Variants in CCSER1 observed in about 807,000 individuals in gnomAD.
CCSER1 encodes the protein coiled-coil serine rich protein 1.
In CCSER1, 41 loss-of-function variants were observed where a neutral mutation model predicts 82.0. The ratio of observed to expected loss-of-function variants is 0.50; its 90% CI spans 0.39 to 0.65. The LOEUF is 0.65. Among genes scored for constraint, CCSER1 ranks in the 30% least tolerant of loss-of-function variants. The probability of loss-of-function intolerance (pLI) is 0.00; values close to 1 mark genes in which losing one functional copy is unlikely to be tolerated. For missense variants in CCSER1, 1,119 were observed against 1,064.2 expected, an observed-to-expected ratio of 1.05 and a Z score of -0.72; for synonymous variants, 414 against 383.9, an observed-to-expected ratio of 1.08 and a Z score of -0.92.
At chr4:91,350,241 T>G (rs1748380302) in intron 10 of CCSER1, among the ~76,000 whole-genome samples, 1 of 152,218 alleles carries the variant, frequency 6.6e-6, no homozygotes, top group African/African-American at 2.4e-5. Context: ...AATTTAGATC[T>G]GAATCTACCA....
intron 9 of CCSER1, among the ~76,000 whole-genome samples, chr4:91,077,368 A>G (rs1466420163): frequency 1.3e-5 from 2 of 152,232 alleles, no homozygotes; most frequent in African/African-American, 4.8e-5. Context: ...TAAATGTAAC[A>G]CTAAATAAAA....
At chr4:90,333,381 A>G (rs1472416388) in intron 3 of CCSER1, among the ~76,000 whole-genome samples, 3 of 152,198 alleles carry the variant, frequency 2.0e-5, no homozygotes, top group Non-Finnish European at 2.9e-5. Context: ...GAATTAGACA[A>G]GAAACAGAAT....
intron 5 of CCSER1, among the ~76,000 whole-genome samples, chr4:90,604,892 G>A (rs1039057054): frequency 6.6e-5 from 10 of 152,152 alleles, no homozygotes; most frequent in Non-Finnish European, 1.0e-4. Context: ...TCTCTGTAAA[G>A]TGGGCCAATC....
chr4:90,774,403 A>G (rs193209614), intron 7 of CCSER1, among the ~76,000 whole-genome samples: 1 of 152,182 alleles, frequency 6.6e-6, no homozygotes, highest in African/African-American at 2.4e-5. Context: ...AAGAAATGCT[A>G]TTTGAAGCCT....
chr4:90,914,168 C>T (rs1340237108), intron 8 of CCSER1, among the ~76,000 whole-genome samples: 2 of 152,176 alleles, frequency 1.3e-5, no homozygotes, highest in Non-Finnish European at 2.9e-5. Flanking sequence ...CAGAACTCTC[C>T]ACCCCAAATC....
At chr4:90,771,451 A>T (rs1414115165) in intron 7 of CCSER1, among the ~76,000 whole-genome samples, 1 of 151,472 alleles carries the variant, frequency 6.6e-6, no homozygotes, top group Non-Finnish European at 1.5e-5. Flanking sequence ...GAATTGGTAG[A>T]TATAAATATC....
At chr4:91,228,720 C>T (rs1738397516) in intron 10 of CCSER1, among the ~76,000 whole-genome samples, 1 of 151,576 alleles carries the variant, frequency 6.6e-6, no homozygotes, top group African/African-American at 2.4e-5. Context: ...TGGAATCTGC[C>T]ACCTTCACCT....
At chr4:90,370,659 TTC>T (rs1561114097) in intron 3 of CCSER1, among the ~76,000 whole-genome samples, 1 of 152,042 alleles carries the variant, frequency 6.6e-6, no homozygotes, top group Non-Finnish European at 1.5e-5. Context: ...ATTACACATA[TTC>T]TTTTAAGAAA....
rs190601125 is a variant in CCSER1, at chr4:90,258,282, C to T, written c.-41-49962C>T. Among the ~76,000 whole-genome samples the T allele has an allele frequency of 2.2e-3, 329 of 152,116 alleles. 3 individuals are homozygous for T. The highest frequency in any genetic ancestry group is 7.1e-3 in the African/African-American group (295 of 41,506). On this transcript the variant is annotated intron_variant, in intron 1 of 10. Coordinates refer to ENST00000509176, the MANE Select transcript of CCSER1 (RefSeq NM_001145065.2). ...GTAATCCCAGCACTTTGGGAGGCCGCGGCAGGTGGATCATGAGGTCAAGAG... is the reference window on the plus strand; with the variant it reads ...GTAATCCCAGCACTTTGGGAGGCCGTGGCAGGTGGATCATGAGGTCAAGAG...
intron 9 of CCSER1, among the ~76,000 whole-genome samples, chr4:91,074,121 G>A (rs1721713695): frequency 6.6e-6 from 1 of 152,110 alleles, no homozygotes; most frequent in Admixed American, 6.6e-5. Flanking sequence ...AACTAATAAG[G>A]GGTTGCATTT....
At chr4:91,052,692 A>C (rs1743110384) in intron 9 of CCSER1, among the ~76,000 whole-genome samples, 1 of 152,170 alleles carries the variant, frequency 6.6e-6, no homozygotes, top group Non-Finnish European at 1.5e-5. Flanking sequence ...CTATGGATAG[A>C]GATAGAGATC....
At chr4:90,992,411 C>A (rs1433276853) in intron 9 of CCSER1, among the ~76,000 whole-genome samples, 1 of 151,972 alleles carries the variant, frequency 6.6e-6, no homozygotes, top group East Asian at 1.9e-4. Flanking sequence ...CTTGTCACAT[C>A]TAGAAAGCCT....
chr4:91,206,052 A>T (rs1736317509), intron 10 of CCSER1, among the ~76,000 whole-genome samples: 1 of 151,914 alleles, frequency 6.6e-6, no homozygotes, highest in Non-Finnish European at 1.5e-5. Flanking sequence ...CAAGTAAAGT[A>T]CCTTGTGGAA....
At chr4:91,471,632 A>T (rs758921006) in intron 10 of CCSER1, among the ~76,000 whole-genome samples, 4 of 152,140 alleles carry the variant, frequency 2.6e-5, no homozygotes, top group Non-Finnish European at 5.9e-5. Flanking sequence ...TTTTCCCTTC[A>T]GACTGACTGA....
intron 5 of CCSER1, among the ~76,000 whole-genome samples, chr4:90,478,502 A>C (rs1765405893): frequency 6.6e-6 from 1 of 152,198 alleles, no homozygotes; most frequent in Non-Finnish European, 1.5e-5. Flanking sequence ...GTTTAAATCT[A>C]GTCTTTAAAA....
chr4:91,443,537 G>T (rs1024255467), intron 10 of CCSER1, among the ~76,000 whole-genome samples: 3 of 149,730 alleles, frequency 2.0e-5, no homozygotes, highest in Non-Finnish European at 4.4e-5. Context: ...ATAGCATTAG[G>T]AGATATACCT....
At chr4:90,388,218 T>C (rs954040482) in intron 3 of CCSER1, among the ~76,000 whole-genome samples, 31 of 152,208 alleles carry the variant, frequency 2.0e-4, no homozygotes, top group African/African-American at 7.2e-4. Flanking sequence ...GGTTTATCAA[T>C]CTCATTATTT....
intron 8 of CCSER1, among the ~76,000 whole-genome samples, chr4:90,866,670 G>A (rs540875090): frequency 3.9e-5 from 6 of 152,166 alleles, no homozygotes; most frequent in South Asian, 4.1e-4. Flanking sequence ...CAGAGATTAC[G>A]TAGAATAAAA....
At chr4:90,884,231 G>C (rs371724486) in intron 8 of CCSER1, among the ~76,000 whole-genome samples, 2 of 152,010 alleles carry the variant, frequency 1.3e-5, no homozygotes, top group Non-Finnish European at 2.9e-5. Context: ...AAAAGATTTT[G>C]CATGCATAAT....
Sources: allele counts gnomAD v4.1 joint callset (sites outside exome capture counted in the v4.1 genomes callset), GRCh38; gene constraint gnomAD v4.1.1; transcripts MANE v1.5; gene names NCBI Gene and HGNC (gene_info 2026-07-23, HGNC 2026-07-21).